The following SCFD2 variants were observed in gnomAD, a reference collection of about 807,000 sequenced individuals.
SCFD2 encodes sec1 family domain containing 2, also known as sec1 family domain-containing protein 2.
SCFD2 carries 54 observed loss-of-function variants against 58.9 expected under a neutral mutation model. The ratio of observed to expected loss-of-function variants is 0.92; its 90% CI spans 0.74 to 1.15. The LOEUF is 1.15. Among genes scored for constraint, SCFD2 ranks in the 50% most tolerant of loss-of-function variants. SCFD2 has a pLI of 0.00. For synonymous variants in SCFD2, 321 were observed against 335.9 expected (o/e 0.96, Z 0.49); for missense variants, 805 against 836.6 (o/e 0.96, Z 0.47).
chr4:53,015,209 A>G (rs1288262844), intron 5 of SCFD2, among the ~76,000 whole-genome samples: 1 of 152,176 alleles, frequency 6.6e-6, no homozygotes, highest in African/African-American at 2.4e-5. Flanking sequence ...AAAACACAGT[A>G]ATAAAGACTA....
At chr4:53,255,270 G>A (rs1730570108) in intron 4 of SCFD2, among the ~76,000 whole-genome samples, 1 of 148,868 alleles carries the variant, frequency 6.7e-6, no homozygotes, top group Non-Finnish European at 1.5e-5. Flanking sequence ...AGGGGGAGTT[G>A]GCAGGGTCAT....
chr4:53,271,227 C>T (rs1488005234), intron 4 of SCFD2, among the ~76,000 whole-genome samples: 1 of 151,872 alleles, frequency 6.6e-6, no homozygotes, highest in African/African-American at 2.4e-5. Flanking sequence ...GGTAAACTAA[C>T]AATATATAAC....
chr4:53,154,346 T>C (rs1355691813), intron 4 of SCFD2, among the ~76,000 whole-genome samples: 2 of 152,130 alleles, frequency 1.3e-5, no homozygotes, highest in East Asian at 3.9e-4. Flanking sequence ...AGCTGGCATA[T>C]CACATGGTGA....
intron 5 of SCFD2, among the ~76,000 whole-genome samples, chr4:53,054,984 G>A (rs1211549076): frequency 4.6e-5 from 7 of 152,184 alleles, no homozygotes; most frequent in East Asian, 1.9e-4. Flanking sequence ...TTAACAGATC[G>A]AGGGGAGAGA....
chr4:52,977,817 G>T (rs1294615550), intron 5 of SCFD2, among the ~76,000 whole-genome samples: 3 of 152,148 alleles, frequency 2.0e-5, no homozygotes, highest in Non-Finnish European at 4.4e-5. Flanking sequence ...TTCTTTCAAT[G>T]AATTCCTACA....
chr4:53,003,762 A>G (rs1278356157), intron 5 of SCFD2, among the ~76,000 whole-genome samples: 1 of 152,240 alleles, frequency 6.6e-6, no homozygotes, highest in Non-Finnish European at 1.5e-5. Flanking sequence ...CATTTGGTCA[A>G]TGAAGGCAGC....
intron 5 of SCFD2, among the ~76,000 whole-genome samples, chr4:52,988,253 C>A (rs777183131): frequency 1.3e-5 from 2 of 152,140 alleles, no homozygotes; most frequent in Non-Finnish European, 2.9e-5. Context: ...GTTGGACTTA[C>A]AAATTAGCAA....
intron 3 of SCFD2, among the ~76,000 whole-genome samples, chr4:53,307,165 A>G (rs1323646785): frequency 6.6e-6 from 1 of 152,210 alleles, no homozygotes; most frequent in Non-Finnish European, 1.5e-5. Context: ...GAACAACCAA[A>G]TGAAAGTATT....
At chr4:52,980,538 T>G (rs1388099403) in intron 5 of SCFD2, among the ~76,000 whole-genome samples, 1 of 152,206 alleles carries the variant, frequency 6.6e-6, no homozygotes, top group Non-Finnish European at 1.5e-5. Context: ...ATTATTAGTA[T>G]TTCAGGATAC....
intron 5 of SCFD2, among the ~76,000 whole-genome samples, chr4:52,979,087 C>A: frequency 1.3e-5 from 2 of 150,078 alleles, no homozygotes; most frequent in Non-Finnish European, 3.0e-5. Context: ...TAGTTAAGAG[C>A]AAGATAAAAT....
chr4:53,063,710 AC>A (rs1394451196), intron 5 of SCFD2, among the ~76,000 whole-genome samples: 3 of 152,104 alleles, frequency 2.0e-5, no homozygotes, highest in Admixed American at 6.6e-5. Flanking sequence ...AATAAGCTTC[AC>A]TGTTATTTGA....
At position 52,917,957 on chromosome 4, in the gene SCFD2, G is replaced by A. The variant is rs187892188; in HGVS notation, c.1707+2768C>T. 3.9e-5 allele frequency among the ~76,000 whole-genome samples: 6 copies of A among 152,304 alleles called. No individual in the cohort carries two copies. In the East Asian group the frequency reaches 9.6e-4, roughly 24 times the overall value. Reference sequence around the variant, plus strand: ...TAGTGCATGCGCATCACAGCAGGACGGAGGACCACTGGGAGGGAAGGTGGG... The same window carrying A: ...TAGTGCATGCGCATCACAGCAGGACAGAGGACCACTGGGAGGGAAGGTGGG... On this transcript the variant is annotated intron_variant, in intron 6 of 8. Transcript: ENST00000401642.
At chr4:53,090,935 A>G (rs1250095091) in intron 5 of SCFD2, among the ~76,000 whole-genome samples, 2 of 152,160 alleles carry the variant, frequency 1.3e-5, no homozygotes, top group Non-Finnish European at 2.9e-5. Flanking sequence ...AAGAATTGAT[A>G]ACAAACACAG....
At chr4:53,290,718 GAA>G (rs1048382047) in intron 3 of SCFD2, among the ~76,000 whole-genome samples, 149 of 151,086 alleles carry the variant, frequency 9.9e-4, no homozygotes, top group African/African-American at 3.5e-3. Context: ...GATTAACTCA[GAA>G]AAAAAAGAGA....
chr4:53,082,959 T>C (rs1724191959), intron 5 of SCFD2, among the ~76,000 whole-genome samples: 1 of 100,848 alleles, frequency 9.9e-6, no homozygotes, highest in Admixed American at 1.2e-4. Flanking sequence ...CAATCCATTA[T>C]AATAAATATC....
chr4:53,008,932 T>C (rs1424000268), intron 5 of SCFD2, among the ~76,000 whole-genome samples: 1 of 152,202 alleles, frequency 6.6e-6, no homozygotes, highest in African/African-American at 2.4e-5. Flanking sequence ...TCTCTTTTGA[T>C]GGTGCAGAAG....
At chr4:53,322,287 G>A (rs538358126) in intron 2 of SCFD2, among the ~76,000 whole-genome samples, 36 of 152,212 alleles carry the variant, frequency 2.4e-4, no homozygotes, top group African/African-American at 8.4e-4. Flanking sequence ...AGTGACCTCT[G>A]GTTGTCCTCA....
chr4:53,012,440 G>A (rs549087804), intron 5 of SCFD2, among the ~76,000 whole-genome samples: 2 of 151,800 alleles, frequency 1.3e-5, no homozygotes, highest in Admixed American at 6.6e-5. Flanking sequence ...TGTGATCCTG[G>A]TCAAATAGGT....
chr4:52,929,713 G>A (rs1472768550), intron 5 of SCFD2, among the ~76,000 whole-genome samples: 3 of 152,148 alleles, frequency 2.0e-5, no homozygotes, highest in African/African-American at 7.2e-5. Flanking sequence ...TGCAGGCACT[G>A]GGACAAGCAG....
Sources: gnomAD v4.1 joint callset for allele counts (sites outside exome capture counted in the v4.1 genomes callset) on GRCh38, gnomAD v4.1.1 for gene constraint, MANE v1.5 for transcripts, NCBI Gene and HGNC (gene_info 2026-07-23, HGNC 2026-07-21) for gene names.